HDAC9: variants seen among roughly 807,000 people sequenced by gnomAD.
The protein encoded by HDAC9 is histone deacetylase 9.
A neutral mutation model predicts 139.4 loss-of-function variants in HDAC9; 41 were observed. That is an observed-to-expected ratio of 0.29 (90% confidence interval 0.23 to 0.38). The LOEUF (loss-of-function observed/expected upper bound fraction) is 0.38. Among genes scored for constraint, HDAC9 ranks in the 10% least tolerant of loss-of-function variants. The pLI, the probability that HDAC9 is intolerant of heterozygous loss-of-function variation, is 1.00. For synonymous variants in HDAC9, 517 were observed against 476.2 expected (o/e 1.09, Z -1.12); for missense variants, 1,147 against 1,297.0 (o/e 0.88, Z 1.78).
chr7:18,574,872 A>G (rs1369813189), intron 2 of HDAC9, among the ~76,000 whole-genome samples: 1 of 152,258 alleles, frequency 6.6e-6, no homozygotes, highest in Non-Finnish European at 1.5e-5. Context: ...TGTGGGGAGC[A>G]GAGGACCTAC....
chr7:18,677,724 G>A (rs1049298470), intron 12 of HDAC9, among the ~76,000 whole-genome samples: 2 of 151,642 alleles, frequency 1.3e-5, no homozygotes, highest in African/African-American at 4.8e-5. Context: ...TTTTATTGTT[G>A]GTTATCAAAT....
At chr7:18,873,599 A>G (rs956650245) in intron 21 of HDAC9, among the ~76,000 whole-genome samples, 2 of 152,182 alleles carry the variant, frequency 1.3e-5, no homozygotes, top group African/African-American at 4.8e-5. Context: ...TGTTTTAGTT[A>G]TATCTCACAA....
chr7:18,720,002 T>C (rs924730362), intron 12 of HDAC9, among the ~76,000 whole-genome samples: 1 of 152,206 alleles, frequency 6.6e-6, no homozygotes, highest in East Asian at 1.9e-4. Flanking sequence ...TTGATCTACA[T>C]GTCTATCCTT....
chr7:18,634,940 A>G lies in HDAC9; in HGVS notation c.912+198A>G, dbSNP rs539330346. Among the ~76,000 whole-genome samples, 3 of 152,112 alleles carry G rather than the reference A, an allele frequency of 2.0e-5. No homozygotes were observed. In the South Asian group the frequency reaches 6.2e-4, roughly 31 times the overall value. ...TGTAAATATTATAAACCTATAAGAA[A>G]TGAACTGATATTTATTAGCTGACAT... On this transcript the variant is annotated intron_variant, in intron 8 of 25. Coordinates refer to ENST00000686413, the MANE Select transcript of HDAC9 (RefSeq NM_178425.4).
intron 1 of HDAC9, among the ~76,000 whole-genome samples, chr7:18,325,084 G>T (rs772270603): frequency 6.6e-6 from 1 of 152,058 alleles, no homozygotes; most frequent in African/African-American, 2.4e-5. Context: ...CAACAAGTAC[G>T]AGTTGAATCC....
chr7:18,857,087 A>ATC (rs1797737931), intron 21 of HDAC9, among the ~76,000 whole-genome samples: 1 of 152,118 alleles, frequency 6.6e-6, no homozygotes, highest in Admixed American at 6.6e-5. Flanking sequence ...ACTTCATTTA[A>ATC]ATTTTTATCT....
chr7:18,312,726 G>A (rs996314002), intron 1 of HDAC9, among the ~76,000 whole-genome samples: 4 of 152,116 alleles, frequency 2.6e-5, no homozygotes, highest in Admixed American at 2.6e-4. Flanking sequence ...TCAGGAAGTT[G>A]CTTGATCTCA....
At chr7:18,240,567 A>G (rs1369810504) in intron 2 of HDAC9, among the ~76,000 whole-genome samples, 2 of 152,304 alleles carry the variant, frequency 1.3e-5, no homozygotes, top group East Asian at 1.9e-4. Context: ...CTCCTAATTT[A>G]TCTTTCTGCT....
intron 23 of HDAC9, among the ~76,000 whole-genome samples, chr7:18,938,411 C>G (rs1038848830): frequency 1.3e-5 from 2 of 151,814 alleles, no homozygotes; most frequent in African/African-American, 4.8e-5. Context: ...CTGGCTAACA[C>G]TGTGAAACCC....
At chr7:18,311,900 G>A (rs56168840) in intron 1 of HDAC9, among the ~76,000 whole-genome samples, 25,730 of 152,182 alleles carry the variant, frequency 0.17, 2,374 homozygotes, top group Non-Finnish European at 0.2. Context: ...TTGTAAAGAG[G>A]CTGATGGAGA....
intron 1 of HDAC9, among the ~76,000 whole-genome samples, chr7:18,296,106 TA>T (rs1798130119): frequency 6.6e-6 from 1 of 152,156 alleles, no homozygotes; most frequent in Non-Finnish European, 1.5e-5. Context: ...AACTTCTTTG[TA>T]AAAAACAACG....
At chr7:18,346,685 T>C (rs1182893351) in intron 1 of HDAC9, among the ~76,000 whole-genome samples, 1 of 152,146 alleles carries the variant, frequency 6.6e-6, no homozygotes, top group Non-Finnish European at 1.5e-5. Context: ...ATGTTTTTGC[T>C]TTTTGATAAG....
chr7:18,362,229 A>T (rs896638192), intron 1 of HDAC9, among the ~76,000 whole-genome samples: 1 of 152,186 alleles, frequency 6.6e-6, no homozygotes, highest in Non-Finnish European at 1.5e-5. Flanking sequence ...TCCAAATTTC[A>T]CTAACAGAAT....
chr7:18,727,229 G>C (rs1785619559), intron 12 of HDAC9, among the ~76,000 whole-genome samples: 1 of 152,100 alleles, frequency 6.6e-6, no homozygotes, highest in Non-Finnish European at 1.5e-5. Context: ...GGCAGTTCTG[G>C]GGCTGTATTC....
intron 6 of HDAC9, among the ~76,000 whole-genome samples, chr7:18,603,368 AAAAT>A: frequency 6.6e-6 from 1 of 152,182 alleles, no homozygotes; most frequent in South Asian, 2.1e-4. Flanking sequence ...CTTTTTTAAA[AAAAT>A]ATTCACTTCT....
At chr7:18,544,404 G>A (rs1814060058) in intron 2 of HDAC9, among the ~76,000 whole-genome samples, 1 of 152,190 alleles carries the variant, frequency 6.6e-6, no homozygotes, top group Non-Finnish European at 1.5e-5. Context: ...AATAGATTCT[G>A]GCTGTATTAT....
intron 14 of HDAC9, among the ~76,000 whole-genome samples, chr7:18,752,190 G>A (rs1180028091): frequency 1.3e-5 from 2 of 152,100 alleles, no homozygotes; most frequent in Non-Finnish European, 2.9e-5. Flanking sequence ...AAGAATCAGA[G>A]TTGTTGAAGA....
chr7:18,903,369 G>A (rs772274989), intron 22 of HDAC9, among the ~76,000 whole-genome samples: 16 of 152,194 alleles, frequency 1.1e-4, no homozygotes, highest in Non-Finnish European at 1.5e-4. Context: ...AATGGTGTTA[G>A]ACCAAAATCA....
chr7:18,613,478 C>T (rs1837728164), intron 6 of HDAC9, among the ~76,000 whole-genome samples: 1 of 152,020 alleles, frequency 6.6e-6, no homozygotes, highest in African/African-American at 2.4e-5. Flanking sequence ...TTCTCAACTA[C>T]CCCTAATGTA....
Sources: gnomAD v4.1 joint callset for allele counts (sites outside exome capture counted in the v4.1 genomes callset) on GRCh38, gnomAD v4.1.1 for gene constraint, MANE v1.5 for transcripts, NCBI Gene and HGNC (gene_info 2026-07-23, HGNC 2026-07-21) for gene names.